Variants in POLH observed in about 807,000 individuals in gnomAD.
POLH encodes DNA polymerase eta.
In POLH, 53 loss-of-function variants were observed where a neutral mutation model predicts 73.6. That is an observed-to-expected ratio of 0.72 (90% confidence interval 0.58 to 0.91). The LOEUF (loss-of-function observed/expected upper bound fraction) is 0.91, where lower values mean the gene tolerates loss of function less well. POLH is among the 40% of genes least tolerant of loss of function. The probability of loss-of-function intolerance (pLI) is 0.00; values close to 1 mark genes in which losing one functional copy is unlikely to be tolerated. For missense variants in POLH, 768 were observed against 865.4 expected (o/e 0.89, Z 1.41); for synonymous variants, 292 against 308.5 (o/e 0.95, Z 0.56).
At chr6:43,577,954 C>T (rs902580223) in intron 1 of POLH, among the ~76,000 whole-genome samples, 10 of 151,016 alleles carry the variant, frequency 6.6e-5, no homozygotes, top group African/African-American at 2.2e-4. Flanking sequence ...CGGGGTGGCA[C>T]GCGCCTGTAG....
rs1363397499 is a variant in POLH at position 43,616,092 on chromosome 6, C to T, written c.*1535C>T. 5.3e-5 allele frequency among the ~76,000 whole-genome samples: 8 copies of T among 151,848 alleles called. No individual in the cohort carries two copies. The South Asian group carries it at 8.3e-4, about 16-fold the overall frequency. The stretch of plus-strand genomic sequence containing the variant: ...TCACAAGGTCAGGAGATCGAGACCA[C>T]GGTGAAACCCCGTCTCTACTAAAAA... On this transcript the variant is annotated 3_prime_UTR_variant, in exon 11 of 11. Coordinates refer to ENST00000372236, the MANE Select transcript of POLH (RefSeq NM_006502.3).
At chr6:43,598,765 G>T (rs1766404961) in intron 5 of POLH, among the ~76,000 whole-genome samples, 1 of 152,072 alleles carries the variant, frequency 6.6e-6, no homozygotes, top group South Asian at 2.1e-4. Context: ...ATATACAAAG[G>T]TTATATGCAA....
Position 43,582,425 on chromosome 6 carries a change from G to A in POLH, c.106G>A (p.Val36Ile). 6.2e-7 allele frequency: 1 copy of A among 1,614,018 alleles called. No homozygotes were observed. Among genetic ancestry groups the A allele is most frequent in the Non-Finnish European group, 8.5e-7 (1 of 1,179,892 alleles). ...NPHLRNKPCA[V>I]VQYKSWKGGG... ...TCATTTGAGGAATAAACCTTGTGCA[G>A]TTGTACAGTACAAATCATGGAAGGG... Residue 36 changes from valine (V) to isoleucine (I), a missense_variant, in exon 2 of 11, where the codon GTT (valine) becomes ATT (isoleucine). Transcript: ENST00000372236.
intron 4 of POLH, among the ~76,000 whole-genome samples, chr6:43,595,770 G>A (rs1006287682): frequency 6.6e-6 from 1 of 151,940 alleles, no homozygotes; most frequent in African/African-American, 2.4e-5. Context: ...GCAACAGAGC[G>A]AGATTCTATC....
chr6:43,604,542 A>G, intron 7 of POLH, 73 bp from the exon 8 acceptor site: 3 of 1,492,546 alleles, frequency 2.0e-6, no homozygotes, highest in Non-Finnish European at 2.8e-6. Context: ...GCAATATAAT[A>G]TAGTTATTTG....
chr6:43,601,141 ACT>A (rs1180990182), intron 6 of POLH, 50 bp downstream of exon 6: 5 of 1,284,960 alleles, frequency 3.9e-6, no homozygotes, highest in East Asian at 2.3e-5. Flanking sequence ...ATGTGTAGAA[ACT>A]CTCTGGTTGT....
intron 4 of POLH, chr6:43,591,378 T>C (rs1765445972): frequency 6.6e-6 from 1 of 152,178 alleles, no homozygotes. Flanking sequence ...GGAATGCAGT[T>C]GTGAGATCTT....
intron 4 of POLH, among the ~76,000 whole-genome samples, chr6:43,596,638 T>C (rs1015023976): frequency 6.6e-6 from 1 of 152,224 alleles, no homozygotes; most frequent in African/African-American, 2.4e-5. Flanking sequence ...TTTAAGCCCT[T>C]AATAGAAATA....
rs1168206463 is a variant in POLH, at chr6:43,617,332, AT to A, written c.*2778del. Reference sequence around the variant, plus strand: ...TTAATTGTAATCTGATATTAACAAGATTTCCCAATGTGGGTCAGGTGTGGTG... The same window carrying A: ...TTAATTGTAATCTGATATTAACAAGATTCCCAATGTGGGTCAGGTGTGGTG... On this transcript the variant is annotated 3_prime_UTR_variant, in exon 11 of 11. Coordinates refer to ENST00000372236, the MANE Select transcript of POLH (RefSeq NM_006502.3). Among the ~76,000 whole-genome samples the A allele has an allele frequency of 1.3e-5, 2 of 152,118 alleles. No homozygotes were observed. The highest frequency in any genetic ancestry group is 4.8e-5 in the African/African-American group (2 of 41,428).
In POLH at chr6:43,619,247, G is replaced by A. The variant is rs1208928355; in HGVS notation, c.*4690G>A. 6.6e-6 allele frequency among the ~76,000 whole-genome samples: 1 copy of A among 151,060 alleles called. No individual in the cohort carries two copies. Among genetic ancestry groups the A allele is most frequent in the Non-Finnish European group, 1.5e-5 (1 of 67,864 alleles). On this transcript the variant is annotated 3_prime_UTR_variant, in exon 11 of 11. Transcript: ENST00000372236. ...AAGATGGTGGCTTATGCCTGTAGTC[G>A]TACCTACTCAGGAGGCTGAGGTTGG...
chr6:43,604,163 G>A (rs1335441244), intron 7 of POLH, 152 bp downstream of exon 7: 15 of 729,176 alleles, frequency 2.1e-5, no homozygotes, highest in Non-Finnish European at 3.5e-5. Context: ...CAATATCTTG[G>A]GTCACTATGG....
intron 4 of POLH, among the ~76,000 whole-genome samples, chr6:43,592,820 T>A (rs1403096856): frequency 1.3e-5 from 2 of 152,244 alleles, no homozygotes; most frequent in African/African-American, 4.8e-5. Context: ...CATTGCCATT[T>A]TGTAACTGGT....
intron 4 of POLH, among the ~76,000 whole-genome samples, chr6:43,593,140 C>G (rs1294044335): frequency 6.6e-6 from 1 of 152,174 alleles, no homozygotes; most frequent in Admixed American, 6.5e-5. Context: ...CTGGAACTAT[C>G]GGCATGTGCC....
rs1426168864 is a variant in POLH, at chr6:43,587,449, G to A, written c.450G>A (p.Leu150=). The change falls in exon 4 of 11, where the codon TTG becomes TTA. Residue 150 remains leucine (L), a synonymous_variant. Coordinates refer to ENST00000372236, the MANE Select transcript of POLH (RefSeq NM_006502.3). ...TGCCAAGCACTTACATTGAAGGGTT[G>A]CCCCAAGGCCCTACAACGGCAGAAG... ...DLLPSTYIEG[L]PQGPTTAEET... 6.2e-7 allele frequency: 1 copy of A among 1,614,122 alleles called. No homozygotes were observed. Among genetic ancestry groups the A allele is most frequent in the East Asian group, 2.2e-5 (1 of 44,876 alleles).
chr6:43,585,663 G>C (rs190802355), intron 3 of POLH, among the ~76,000 whole-genome samples: 3 of 140,544 alleles, frequency 2.1e-5, no homozygotes, highest in African/African-American at 9.1e-5. Flanking sequence ...TTGTGGGTGG[G>C]GGACGGAGTT....
intron 1 of POLH, among the ~76,000 whole-genome samples, chr6:43,579,701 AG>A (rs1228706059): frequency 6.6e-6 from 1 of 152,152 alleles, no homozygotes; most frequent in African/African-American, 2.4e-5. Flanking sequence ...CATCAGAAGT[AG>A]GGGGCAGTCT....
chr6:43,620,183 G>A lies in POLH; in HGVS notation c.*5626G>A. Reference sequence around the variant, plus strand: ...ACTGTATCTCTGCCAGGGCACAGAAGTGGGCTCCTTACTATTCTGACCACT... The same window carrying A: ...ACTGTATCTCTGCCAGGGCACAGAAATGGGCTCCTTACTATTCTGACCACT... On this transcript the variant is annotated 3_prime_UTR_variant, in exon 11 of 11. Coordinates refer to ENST00000372236, the MANE Select transcript of POLH (RefSeq NM_006502.3). The A allele has an allele frequency of 2.0e-6, 1 of 489,262 alleles. No homozygotes were observed. Among genetic ancestry groups the A allele is most frequent in the South Asian group, 1.5e-5 (1 of 65,748 alleles). 30.3% of individuals were successfully genotyped at this position (489,262 alleles called of 1,614,324 possible). A position where few individuals can be genotyped will look rare whatever the true frequency, so the allele number is the denominator to read the frequency against.
rs116106873 is a variant in POLH, at chr6:43,620,187, G to T, written c.*5630G>T. ...TATCTCTGCCAGGGCACAGAAGTGG[G>T]CTCCTTACTATTCTGACCACTAGCA... On this transcript the variant is annotated 3_prime_UTR_variant, in exon 11 of 11. Transcript: ENST00000372236. 48 of 491,688 alleles carry T rather than the reference G, an allele frequency of 9.8e-5. No homozygotes were observed. Among genetic ancestry groups the T allele is most frequent in the African/African-American group, 8.8e-4 (44 of 50,038 alleles). 30.5% of individuals were successfully genotyped at this position (491,688 alleles called of 1,614,324 possible). A position where few individuals can be genotyped will look rare whatever the true frequency, so the allele number is the denominator to read the frequency against.
chr6:43,600,905 G>A lies in POLH; in HGVS notation c.661-83G>A, dbSNP rs577081983. ...TAGTTACAGCTATTAAGCTCTGTGT[G>A]TGTGTATGTTATGTGTATGTTTATA... On this transcript the variant is annotated intron_variant, in intron 5 of 10. Coordinates refer to ENST00000372236, the MANE Select transcript of POLH (RefSeq NM_006502.3). The A allele has an allele frequency of 5.9e-6, 5 of 842,780 alleles. No homozygotes were observed. The Admixed American group carries it at 6.8e-5, about 11-fold the overall frequency. 52.2% of individuals were successfully genotyped at this position (842,780 alleles called of 1,614,324 possible).
Sources: gnomAD v4.1 joint callset for allele counts (sites outside exome capture counted in the v4.1 genomes callset) on GRCh38, gnomAD v4.1.1 for gene constraint, MANE v1.5 for transcripts, NCBI Gene and HGNC (gene_info 2026-07-23, HGNC 2026-07-21) for gene names.